ATF6B: variants seen among roughly 807,000 people sequenced by gnomAD.
The protein encoded by ATF6B is cyclic AMP-dependent transcription factor ATF-6 beta.
In ATF6B, 50 loss-of-function variants were observed where a neutral mutation model predicts 83.5. That is an observed-to-expected ratio of 0.60 (90% CI 0.48 to 0.76). The LOEUF is 0.76. ATF6B is among the 30% of genes least tolerant of loss of function. ATF6B has a pLI of 0.00. For missense variants in ATF6B, 790 were observed against 893.8 expected, an observed-to-expected ratio of 0.88 and a Z score of 1.48; for synonymous variants, 344 against 362.8, an observed-to-expected ratio of 0.95 and a Z score of 0.59.
At position 32,119,058 on chromosome 6, in the gene ATF6B, CAG is replaced by C; in HGVS notation, c.1048_1049del (p.Leu350AlafsTer13). The C allele has an allele frequency of 6.2e-7, 1 of 1,614,160 alleles. No homozygotes were observed. The highest frequency in any genetic ancestry group is 1.7e-5 in the Admixed American group (1 of 60,022). ...CQSRRKKKEY[L>X]QGLEARLQAV... ...CTTGCAGCCGAGCCTCCAGTCCCTG[CAG>C]ATACTCTTTCTTCTTTCTCCGGGAC... On this transcript the variant is annotated frameshift_variant, in exon 10 of 18. Coordinates refer to ENST00000375203, the MANE Select transcript of ATF6B (RefSeq NM_004381.5). LOFTEE classifies it high-confidence loss of function. This position sits in a 1 kb window ranked among gnomAD's most constrained non-coding sequence, Gnocchi z 4.9.
Position 32,116,386 on chromosome 6 carries a change from T to A in ATF6B, c.1882+94A>T. On this transcript the variant is annotated intron_variant, in intron 17 of 17. Transcript: ENST00000375203. The surrounding 1 kb of genome is among the most constrained non-coding windows in gnomAD (Gnocchi z 5.1). ...TTCTCACCTGTGGGTCCAGCAGCTC[T>A]CTGGATGCCCTGCTCCTCTCCCCCT... 1 of 1,226,050 alleles carries A rather than the reference T, an allele frequency of 8.2e-7. No individual in the cohort carries two copies. The highest frequency in any genetic ancestry group is 1.1e-6 in the Non-Finnish European group (1 of 875,514). The allele number at this position is 1,226,050 out of a possible 1,614,324, so 75.9% of individuals were successfully genotyped here. A position where few individuals can be genotyped will look rare whatever the true frequency, so the allele number is the denominator to read the frequency against.
At position 32,127,151 on chromosome 6, in the gene ATF6B, G is replaced by C; in HGVS notation, c.294C>G (p.Ser98=). The C allele has an allele frequency of 6.2e-7, 1 of 1,612,048 alleles. No homozygotes were observed. Among genetic ancestry groups the C allele is most frequent in the Non-Finnish European group, 8.5e-7 (1 of 1,179,362 alleles). Residue 98 remains serine (S), a synonymous_variant, in exon 4 of 18, where the codon TCC becomes TCG. Coordinates refer to ENST00000375203, the MANE Select transcript of ATF6B (RefSeq NM_004381.5). ...KSEPSSPCSS[S]SLSSESSRLS... is the part of the protein sequence containing the mutation. ...GACGCGATGACTCGGAGCTGAGGGA[G>C]GAGGAAGAGCAGGGGGAAGATGGCT... is the stretch of plus-strand genomic sequence containing the variant.
chr6:32,122,491 A>G (rs1463809139), intron 5 of ATF6B, among the ~76,000 whole-genome samples: 1 of 152,206 alleles, frequency 6.6e-6, no homozygotes, highest in Non-Finnish European at 1.5e-5. Flanking sequence ...ACTTCAATTT[A>G]TATTTTTGAA....
rs1446685696 is a variant in ATF6B, at chr6:32,128,184, G to C, written c.24C>G (p.Ser8Arg). MAELMLL[S>R]EIADPTRFFT... Reference sequence around the variant, plus strand: ...AGAAACGCGTCGGGTCAGCAATCTCGCTGAGCAGCATCAGCTCCGCCATCT... The same window carrying C: ...AGAAACGCGTCGGGTCAGCAATCTCCCTGAGCAGCATCAGCTCCGCCATCT... The change falls in exon 1 of 18, where the codon AGC becomes AGG. Residue 8 changes from serine (S) to arginine (R), a missense_variant. By Grantham distance (110) the Ser-to-Arg change is moderately radical. Around this residue, in one of 3 missense-constraint regions of ATF6B, gnomAD observed 253 missense variants for 243.1 expected, o/e 1.04. Transcript: ENST00000375203. 1.2e-5 allele frequency: 19 copies of C among 1,612,350 alleles called. No homozygotes were observed. The highest frequency in any genetic ancestry group is 1.6e-5 in the Non-Finnish European group (19 of 1,179,786).
rs996462741 is a variant in ATF6B at position 32,117,502 on chromosome 6, G to A, written c.1532+85C>T. The A allele has an allele frequency of 4.4e-6, 7 of 1,590,080 alleles. No homozygotes were observed. The highest frequency in any genetic ancestry group is 1.3e-5 in the African/African-American group (1 of 74,338). ...TGAGGAGAGGGCAGGGAGCACTGGC[G>A]CTTTAGTACACAGGCCAGCCAGGCT... is the stretch of plus-strand genomic sequence containing the variant. On this transcript the variant is annotated intron_variant, in intron 13 of 17. Coordinates refer to ENST00000375203, the MANE Select transcript of ATF6B (RefSeq NM_004381.5). The surrounding 1 kb of genome is among the most constrained non-coding windows in gnomAD (Gnocchi z 5.0).
At chr6:32,126,941 T>C (rs1305325694) in intron 4 of ATF6B, among the ~76,000 whole-genome samples, 162 bp downstream of exon 4, 1 of 152,174 alleles carries the variant, frequency 6.6e-6, no homozygotes, top group Non-Finnish European at 1.5e-5. Context: ...AAAATGAAGA[T>C]ATTAAGGAAA....
In ATF6B at chr6:32,116,709, G is replaced by C. The variant is rs758221215; in HGVS notation, c.1792C>G (p.Arg598Gly). The part of the protein sequence containing the change: ...REDTFYVVSF[R>G]RDHLLLPAIS... The stretch of plus-strand genomic sequence containing the variant: ...GAAGGGCAGGAGAAACTCACCCTTC[G>C]GAAAGAGACAACATAAAATGTGTCT... The change falls in exon 16 of 18, where the codon CGA becomes GGA. Residue 598 changes from arginine to glycine, a missense_variant. Around this residue, in one of 3 missense-constraint regions of ATF6B, gnomAD observed 530 missense variants for 632.6 expected, o/e 0.84. Coordinates refer to ENST00000375203, the MANE Select transcript of ATF6B (RefSeq NM_004381.5). This position sits in a 1 kb window ranked among gnomAD's most constrained non-coding sequence, Gnocchi z 5.1. The C allele has an allele frequency of 9.3e-6, 15 of 1,613,828 alleles. No individual in the cohort carries two copies. The highest frequency in any genetic ancestry group is 1.1e-5 in the Non-Finnish European group (13 of 1,179,876).
At chr6:32,123,227 CAAAAAAAAA>C (rs9279489) in intron 5 of ATF6B, among the ~76,000 whole-genome samples, 6 of 58,932 alleles carry the variant, frequency 1.0e-4, no homozygotes, top group Non-Finnish European at 1.5e-4. Context: ...AACTCTGTCT[CAAAAAAAAA>C]AAAAAAAAAA....
chr6:32,120,860 G>C lies in ATF6B; in HGVS notation c.743C>G (p.Pro248Arg). Residue 248 changes from proline (P) to arginine (R), a missense_variant, in exon 8 of 18, where the codon CCT becomes CGT. Around this residue, in one of 3 missense-constraint regions of ATF6B, gnomAD observed 530 missense variants for 632.6 expected, o/e 0.84. Transcript: ENST00000375203. ...CATTGGGACAGTGGTTAGCACTACA[G>C]GTTTGGGCTGCAGTGGCGGCTTCCG... ...PTRKPPLQPKPVVLTTVPMPS... is the reference protein window; with the variant it reads ...PTRKPPLQPKRVVLTTVPMPS... The C allele has an allele frequency of 6.4e-7, 1 of 1,567,882 alleles. No individual in the cohort carries two copies. The highest frequency in any genetic ancestry group is 8.6e-7 in the Non-Finnish European group (1 of 1,157,806).
In ATF6B at chr6:32,127,277, T is replaced by C. The variant is rs994729014; in HGVS notation, c.251-83A>G. On this transcript the variant is annotated intron_variant, in intron 3 of 17. Transcript: ENST00000375203. ...GTACCCAAGGACATGTCGGTGGGGATTCCTGTACCGCAGCAAGGGAGAAGA... is the reference window on the plus strand; with the variant it reads ...GTACCCAAGGACATGTCGGTGGGGACTCCTGTACCGCAGCAAGGGAGAAGA... 4.3e-5 allele frequency: 61 copies of C among 1,404,546 alleles called. No individual in the cohort carries two copies. In the African/African-American group the frequency reaches 6.6e-4, roughly 15 times the overall value. The allele number at this position is 1,404,546 out of a possible 1,614,324, so 87.0% of individuals were successfully genotyped here.
At chr6:32,120,731 G>T in intron 8 of ATF6B, 40 bp downstream of exon 8, 2 of 1,599,786 alleles carry the variant, frequency 1.3e-6, no homozygotes, top group Non-Finnish European at 1.7e-6. Flanking sequence ...GATTACCGGC[G>T]TGAGCCACCA....
Position 32,118,100 on chromosome 6 carries a change from G to C in ATF6B, c.1245-62C>G. The C allele has an allele frequency of 6.3e-7, 1 of 1,596,774 alleles. No homozygotes were observed. The highest frequency in any genetic ancestry group is 8.6e-7 in the Non-Finnish European group (1 of 1,166,512). On this transcript the variant is annotated intron_variant, in intron 11 of 17. Transcript: ENST00000375203. The surrounding 1 kb of genome is among the most constrained non-coding windows in gnomAD (Gnocchi z 5.2). Reference sequence around the variant, plus strand: ...TCAGCTGTATCAAGTATCTAGGTAAGAATAAAGACTCTGCAGATGGACTGC... The same window carrying C: ...TCAGCTGTATCAAGTATCTAGGTAACAATAAAGACTCTGCAGATGGACTGC...
At position 32,116,969 on chromosome 6, in the gene ATF6B, G is replaced by A; in HGVS notation, c.1685+68C>T. On this transcript the variant is annotated intron_variant, in intron 15 of 17. Coordinates refer to ENST00000375203, the MANE Select transcript of ATF6B (RefSeq NM_004381.5). This position sits in a 1 kb window ranked among gnomAD's most constrained non-coding sequence, Gnocchi z 5.1. ...TGACAGTAATGACAGGCACAGGACA[G>A]CTACTGGGGGTACAGCTCTTGAAAG... 3 of 1,565,686 alleles carry A rather than the reference G, an allele frequency of 1.9e-6. No individual in the cohort carries two copies. The highest frequency in any genetic ancestry group is 2.6e-6 in the Non-Finnish European group (3 of 1,137,674).
chr6:32,121,789 G>A (rs1285253275), intron 5 of ATF6B, among the ~76,000 whole-genome samples: 2 of 152,124 alleles, frequency 1.3e-5, no homozygotes, highest in African/African-American at 2.4e-5. Flanking sequence ...TAGATTACAG[G>A]CCATCCAGGA....
intron 4 of ATF6B, among the ~76,000 whole-genome samples, 160 bp downstream of exon 4, chr6:32,126,943 T>C (rs188089795): frequency 6.6e-6 from 1 of 152,302 alleles, no homozygotes; most frequent in East Asian, 1.9e-4. Flanking sequence ...AATGAAGATA[T>C]TAAGGAAACG....
At position 32,117,374 on chromosome 6, in the gene ATF6B, C is replaced by A. The variant is rs1349915073; in HGVS notation, c.1563G>T (p.Gln521His). ...RLADELSGWV[Q>H]RHQRGRRKIP... ...TCTTCCTCCGGCCTCTCTGGTGGCG[C>A]TGGACCCAGCCACTCAACTCGTCAG... Residue 521 changes from glutamine to histidine, a missense_variant, in exon 14 of 18, where the codon CAG becomes CAT. Physicochemically the swap from Gln to His is conservative, Grantham distance 24. Transcript: ENST00000375203. The surrounding 1 kb of genome is among the most constrained non-coding windows in gnomAD (Gnocchi z 5.0). 5 of 1,613,996 alleles carry A rather than the reference C, an allele frequency of 3.1e-6. No homozygotes were observed. The African/African-American group carries it at 5.3e-5, about 17-fold the overall frequency.
In ATF6B at chr6:32,116,962, C is replaced by G; in HGVS notation, c.1685+75G>C. ...CCACTGGTGACAGTAATGACAGGCACAGGACAGCTACTGGGGGTACAGCTC... is the reference window on the plus strand; with the variant it reads ...CCACTGGTGACAGTAATGACAGGCAGAGGACAGCTACTGGGGGTACAGCTC... On this transcript the variant is annotated intron_variant, in intron 15 of 17. Coordinates refer to ENST00000375203, the MANE Select transcript of ATF6B (RefSeq NM_004381.5). This position sits in a 1 kb window ranked among gnomAD's most constrained non-coding sequence, Gnocchi z 5.1. 1 of 1,560,686 alleles carries G rather than the reference C, an allele frequency of 6.4e-7. No individual in the cohort carries two copies. Among genetic ancestry groups the G allele is most frequent in the East Asian group, 2.2e-5 (1 of 44,496 alleles).
intron 1 of ATF6B, 96 bp downstream of exon 1, chr6:32,128,021 C>G (rs948186267): frequency 2.1e-5 from 31 of 1,445,872 alleles, no homozygotes; most frequent in African/African-American, 5.6e-5. Context: ...ATGGCGGATT[C>G]CGTATTTGCC....
chr6:32,116,055 G>A lies in ATF6B; in HGVS notation c.1883-87C>T, dbSNP rs1781518638. ...AGGGGAGGAGGTCAGAAAAGTAGAGGTGAGCAGAGAGAAAAAGAAAGGGCA... is the reference window on the plus strand; with the variant it reads ...AGGGGAGGAGGTCAGAAAAGTAGAGATGAGCAGAGAGAAAAAGAAAGGGCA... On this transcript the variant is annotated intron_variant, in intron 17 of 17. Transcript: ENST00000375203. This position sits in a 1 kb window ranked among gnomAD's most constrained non-coding sequence, Gnocchi z 5.1. 3.0e-6 allele frequency: 3 copies of A among 1,006,226 alleles called. No homozygotes were observed. Among genetic ancestry groups the A allele is most frequent in the Non-Finnish European group, 4.4e-6 (3 of 678,100 alleles). The allele number at this position is 1,006,226 out of a possible 1,614,324, so 62.3% of individuals were successfully genotyped here.
Sources: gnomAD v4.1 joint callset for allele counts (sites outside exome capture counted in the v4.1 genomes callset) on GRCh38, gnomAD v4.1.1 for gene constraint, gnomAD v4.1.1 regional missense constraint, Gnocchi (gnomAD v3.1) non-coding constraint, MANE v1.5 for transcripts, NCBI Gene and HGNC (gene_info 2026-07-23, HGNC 2026-07-21) for gene names.